Variants in PREP observed in about 807,000 individuals in gnomAD.
PREP encodes prolyl endopeptidase.
In PREP, 29 loss-of-function variants were observed where a neutral mutation model predicts 87.6. The ratio of observed to expected loss-of-function variants is 0.33; its 90% confidence interval spans 0.25 to 0.45. The LOEUF is 0.45. Among genes scored for constraint, PREP ranks in the 20% least tolerant of loss-of-function variants. PREP has a pLI of 1.00. For missense variants in PREP, 695 were observed against 886.5 expected (o/e 0.78, Z 2.74); for synonymous variants, 337 against 328.6 (o/e 1.03, Z -0.28).
chr6:105,386,266 A>T (rs1178285069), intron 2 of PREP, among the ~76,000 whole-genome samples: 1 of 152,236 alleles, frequency 6.6e-6, no homozygotes, highest in African/African-American at 2.4e-5. Flanking sequence ...CAACATTGCT[A>T]AGGGTTCTCA....
At chr6:105,320,962 A>C (rs1055999136) in intron 10 of PREP, among the ~76,000 whole-genome samples, 8 of 152,204 alleles carry the variant, frequency 5.3e-5, no homozygotes, top group African/African-American at 1.9e-4. Context: ...AACATCTGTC[A>C]CGCTCTCATT....
At chr6:105,348,485 C>G (rs1021497655) in intron 7 of PREP, among the ~76,000 whole-genome samples, 5 of 152,154 alleles carry the variant, frequency 3.3e-5, no homozygotes, top group African/African-American at 4.8e-5. Context: ...TCTCATGCAG[C>G]TCACGGATCC....
At chr6:105,351,903 T>C (rs1301883370) in intron 7 of PREP, among the ~76,000 whole-genome samples, 1 of 152,188 alleles carries the variant, frequency 6.6e-6, no homozygotes, top group Non-Finnish European at 1.5e-5. Flanking sequence ...AATGGATATA[T>C]ATTTAACTCT....
At chr6:105,329,147 A>C (rs1583058981) in intron 8 of PREP, 121 bp from the exon 9 acceptor site, 2 of 971,232 alleles carry the variant, frequency 2.1e-6, no homozygotes, top group Non-Finnish European at 3.0e-6. Flanking sequence ...TTGCAAAGTC[A>C]CTTTTACATT....
rs1380965568 is a variant in PREP, at chr6:105,295,426, T to C, written c.1318-6532A>G. Among the ~76,000 whole-genome samples, 5 of 152,222 alleles carry C rather than the reference T, an allele frequency of 3.3e-5. No homozygotes were observed. The South Asian group carries it at 1.0e-3, about 32-fold the overall frequency. ...TGGCATACAGATAGACTCAAATTTC[T>C]CCTATCCTAGCCAACAAAACCTTAT... On this transcript the variant is annotated intron_variant, in intron 10 of 14. Coordinates refer to ENST00000652536, the MANE Select transcript of PREP (RefSeq NM_002726.5).
intron 8 of PREP, among the ~76,000 whole-genome samples, chr6:105,330,757 A>T (rs1247678395): frequency 6.6e-6 from 1 of 152,208 alleles, no homozygotes; most frequent in Non-Finnish European, 1.5e-5. Flanking sequence ...ATTTACCCAC[A>T]TGAAAAGATG....
In PREP at chr6:105,377,487, C is replaced by A; in HGVS notation, c.153G>T (p.Val51=). 1 of 1,613,840 alleles carries A rather than the reference C, an allele frequency of 6.2e-7. No individual in the cohort carries two copies. The highest frequency in any genetic ancestry group is 8.5e-7 in the Non-Finnish European group (1 of 1,179,796). Residue 51 remains valine (V), a synonymous_variant, in exon 3 of 15, where the codon GTG becomes GTT. Coordinates refer to ENST00000652536, the MANE Select transcript of PREP (RefSeq NM_002726.5). ...TGATGGGACACTGCTCAAGAAATGG[C>A]ACAGTAATCTTATTCTGGGCCTCCA... ...AFVEAQNKIT[V]PFLEQCPIRG... is the part of the protein sequence containing the mutation.
chr6:105,302,775 G>T, intron 10 of PREP: 1 of 486,398 alleles, frequency 2.1e-6, no homozygotes. Flanking sequence ...TGTTTGAGCA[G>T]CAACTCTTTC....
In PREP at chr6:105,377,451, G is replaced by C; in HGVS notation, c.189C>G (p.Tyr63Ter). ...FLEQCPIRGL[Y>*]KERMTELYDY... Reference sequence around the variant, plus strand: ...CATATAGTTCAGTCATTCTCTCTTTGTATAAACCTCTGATGGGACACTGCT... The same window carrying C: ...CATATAGTTCAGTCATTCTCTCTTTCTATAAACCTCTGATGGGACACTGCT... Residue 63 changes from tyrosine to a stop codon, truncating the protein, a stop_gained, in exon 3 of 15, where the codon TAC becomes TAG. Transcript: ENST00000652536. LOFTEE classifies it high-confidence loss of function. The C allele has an allele frequency of 6.2e-7, 1 of 1,613,452 alleles. No individual in the cohort carries two copies. Among genetic ancestry groups the C allele is most frequent in the Non-Finnish European group, 8.5e-7 (1 of 1,179,446 alleles).
intron 3 of PREP, 47 bp downstream of exon 3, chr6:105,377,339 G>C: frequency 6.5e-7 from 1 of 1,549,234 alleles, no homozygotes; most frequent in Non-Finnish European, 8.7e-7. Context: ...ATTTAAGAAA[G>C]CATTTACTTT....
intron 2 of PREP, among the ~76,000 whole-genome samples, chr6:105,393,829 C>A (rs1271138071): frequency 1.3e-5 from 2 of 151,860 alleles, no homozygotes; most frequent in African/African-American, 2.4e-5. Flanking sequence ...TAGATTAAAT[C>A]GAAACTCTAT....
At chr6:105,338,320 C>G (rs968640974) in intron 7 of PREP, among the ~76,000 whole-genome samples, 75 of 152,320 alleles carry the variant, frequency 4.9e-4, no homozygotes, top group African/African-American at 1.5e-3. Context: ...CTAAAGTATG[C>G]ACCAAAGGCA....
chr6:105,381,289 T>C (rs1204827092), intron 2 of PREP, among the ~76,000 whole-genome samples: 1 of 152,234 alleles, frequency 6.6e-6, no homozygotes, highest in African/African-American at 2.4e-5. Context: ...GTAGAAAATT[T>C]CTGTAAAGAA....
chr6:105,310,406 G>T (rs1298363440), intron 10 of PREP, among the ~76,000 whole-genome samples: 1 of 152,086 alleles, frequency 6.6e-6, no homozygotes, highest in Non-Finnish European at 1.5e-5. Context: ...GATACACCCT[G>T]TTCAGCCCTC....
chr6:105,385,670 A>G (rs964296543), intron 2 of PREP, among the ~76,000 whole-genome samples: 33 of 152,244 alleles, frequency 2.2e-4, no homozygotes, highest in Non-Finnish European at 4.3e-4. Context: ...TATTATTTAA[A>G]TGGCTCAATA....
At chr6:105,330,062 C>T (rs12213899) in intron 8 of PREP, among the ~76,000 whole-genome samples, 9,149 of 152,234 alleles carry the variant, frequency 0.06, 368 homozygotes, top group South Asian at 0.14. Flanking sequence ...AGAGAACAAA[C>T]GAGAGATCCG....
At chr6:105,368,198 T>C (rs1243506736) in intron 6 of PREP, among the ~76,000 whole-genome samples, 3 of 152,188 alleles carry the variant, frequency 2.0e-5, no homozygotes, top group Non-Finnish European at 4.4e-5. Flanking sequence ...AAAAATGGAA[T>C]AACATCCCAC....
chr6:105,279,859 A>G (rs1770040502), intron 14 of PREP, among the ~76,000 whole-genome samples: 2 of 152,372 alleles, frequency 1.3e-5, no homozygotes, highest in East Asian at 3.9e-4. Context: ...TTTTGCCTTC[A>G]ATTAACTCAG....
rs191101081 is a variant in PREP, at chr6:105,332,395, C to T, written c.1015+919G>A. Among the ~76,000 whole-genome samples, 92 of 152,236 alleles carry T rather than the reference C, an allele frequency of 6.0e-4. No homozygotes were observed. The East Asian group carries it at 0.01, about 17-fold the overall frequency. ...GTTCCTTATTGATCAAGGACCTGAA[C>T]GTGGATCTGCCTGACTCTAAGACCT... On this transcript the variant is annotated intron_variant, in intron 8 of 14. Transcript: ENST00000652536.
Sources: gnomAD v4.1 joint callset for allele counts (sites outside exome capture counted in the v4.1 genomes callset) on GRCh38, gnomAD v4.1.1 for gene constraint, MANE v1.5 for transcripts, NCBI Gene and HGNC (gene_info 2026-07-23, HGNC 2026-07-21) for gene names.